BUB1B: variants seen among roughly 807,000 people sequenced by gnomAD.
The protein encoded by BUB1B is BUB1 mitotic checkpoint serine/threonine kinase B, also known as mitotic checkpoint serine/threonine-protein kinase BUB1 beta.
A neutral mutation model predicts 137.7 loss-of-function variants in BUB1B; 86 were observed. The ratio of observed to expected loss-of-function variants is 0.62; its 90% CI spans 0.52 to 0.75. The LOEUF (loss-of-function observed/expected upper bound fraction) is 0.75. Ranked by LOEUF, BUB1B falls within the 30% of genes least tolerant of loss-of-function variation. The pLI is 0.00. For missense variants in BUB1B, 1,130 were observed against 1,236.9 expected (o/e 0.91, Z 1.30); for synonymous variants, 420 against 417.9 (o/e 1.00, Z -0.06).
intron 8 of BUB1B, among the ~76,000 whole-genome samples, chr15:40,191,006 G>T (rs2037430237): frequency 6.6e-6 from 1 of 151,636 alleles, no homozygotes; most frequent in Non-Finnish European, 1.5e-5. Context: ...TTGTACCTCA[G>T]CCTCCCAAGT....
chr15:40,219,806 A>T lies in BUB1B; in HGVS notation c.2958-758A>T, dbSNP rs560799586. Among the ~76,000 whole-genome samples, 20 of 147,724 alleles carry T rather than the reference A, an allele frequency of 1.4e-4. No homozygotes were observed. In the South Asian group the frequency reaches 3.8e-3, roughly 28 times the overall value. ...TCACCTATTGTTATATTCTTTGGTT[A>T]AAAAAAAAAATGAGTGTTGAAGATT... On this transcript the variant is annotated intron_variant, in intron 22 of 22. Coordinates refer to ENST00000287598, the MANE Select transcript of BUB1B (RefSeq NM_001211.6).
intron 9 of BUB1B, among the ~76,000 whole-genome samples, 164 bp from the exon 10 acceptor site, chr15:40,199,451 A>T (rs1033307175): frequency 2.0e-5 from 3 of 152,226 alleles, no homozygotes; most frequent in African/African-American, 7.2e-5. Flanking sequence ...TATTGAATGG[A>T]TAAAGAATAG....
chr15:40,185,422 C>CTTCA, intron 7 of BUB1B, 43 bp downstream of exon 7: 1 of 1,604,178 alleles, frequency 6.2e-7, no homozygotes, highest in African/African-American at 1.3e-5. Flanking sequence ...ACAACAAAGA[C>CTTCA]TTCACATTTA....
rs1401342186 is a variant in BUB1B at position 40,180,650 on chromosome 15, T to C, written c.582-3064T>C. Among the ~76,000 whole-genome samples the C allele has an allele frequency of 5.1e-3, 626 of 122,368 alleles. 2 individuals are homozygous for C. Among genetic ancestry groups the C allele is most frequent in the African/African-American group, 0.021 (590 of 28,642 alleles). The allele number at this position is 122,368 out of a possible 152,430, so 80.3% of individuals were successfully genotyped here. On this transcript the variant is annotated intron_variant, in intron 5 of 22. Coordinates refer to ENST00000287598, the MANE Select transcript of BUB1B (RefSeq NM_001211.6). ...GTTTCTTTTTTCTTTTTCTTTTTTT[T>C]TTTTTTTTTTTTTTTTTGAGACGGA...
chr15:40,216,562 TATATATA>T (rs1229996577), intron 20 of BUB1B, among the ~76,000 whole-genome samples: 2 of 79,164 alleles, frequency 2.5e-5, no homozygotes, highest in Non-Finnish European at 4.7e-5. Flanking sequence ...TATATATATA[TATATATA>T]TATTTTTTTT....
At chr15:40,217,336 C>T (rs572023563) in intron 20 of BUB1B, 160 bp from the exon 21 acceptor site, 108 of 710,690 alleles carry the variant, frequency 1.5e-4, no homozygotes, top group Non-Finnish European at 2.4e-4. Flanking sequence ...TGGACACTGC[C>T]ACTGCTCTGT....
At chr15:40,179,659 G>C (rs1257738059) in intron 5 of BUB1B, among the ~76,000 whole-genome samples, 2 of 151,916 alleles carry the variant, frequency 1.3e-5, no homozygotes, top group Non-Finnish European at 2.9e-5. Context: ...TTTGTTCCAT[G>C]CCTTTTGTTC....
chr15:40,199,454 A>C (rs1453859943), intron 9 of BUB1B, among the ~76,000 whole-genome samples, 161 bp from the exon 10 acceptor site: 1 of 152,230 alleles, frequency 6.6e-6, no homozygotes, highest in Non-Finnish European at 1.5e-5. Context: ...TGAATGGATA[A>C]AGAATAGAGG....
chr15:40,188,978 C>A (rs539050753), intron 8 of BUB1B, among the ~76,000 whole-genome samples: 1 of 152,030 alleles, frequency 6.6e-6, no homozygotes, highest in East Asian at 1.9e-4. Context: ...TTACCACAAT[C>A]AATTTTAGAG....
At chr15:40,181,230 T>G (rs2037288972) in intron 5 of BUB1B, among the ~76,000 whole-genome samples, 1 of 152,056 alleles carries the variant, frequency 6.6e-6, no homozygotes, top group Non-Finnish European at 1.5e-5. Flanking sequence ...TAGCTGGGAT[T>G]ACAGGCATGC....
chr15:40,193,375 A>C (rs1424738120), intron 8 of BUB1B, among the ~76,000 whole-genome samples: 5 of 134,788 alleles, frequency 3.7e-5, no homozygotes, highest in Non-Finnish European at 7.9e-5. Flanking sequence ...GCAGTATCTT[A>C]TTGTTTTAAT....
intron 8 of BUB1B, 107 bp downstream of exon 8, chr15:40,185,749 C>A: frequency 9.4e-7 from 1 of 1,061,374 alleles, no homozygotes. Flanking sequence ...TGAAAGTAAC[C>A]AGGCCAGGCG....
intron 14 of BUB1B, among the ~76,000 whole-genome samples, chr15:40,205,248 A>C (rs1451831901): frequency 6.6e-6 from 1 of 152,076 alleles, no homozygotes; most frequent in African/African-American, 2.4e-5. Context: ...CACCCGGCCT[A>C]TAATTTTTTT....
At chr15:40,209,524 G>C (rs762863097) in intron 16 of BUB1B, 111 bp from the exon 17 acceptor site, 7 of 1,278,922 alleles carry the variant, frequency 5.5e-6, no homozygotes, top group Middle Eastern at 2.0e-4. Flanking sequence ...TAAATTAACA[G>C]TGCTGACTGT....
chr15:40,198,253 T>TTA (rs57347691), intron 9 of BUB1B, among the ~76,000 whole-genome samples: 1 of 151,594 alleles, frequency 6.6e-6, no homozygotes, highest in African/African-American at 2.4e-5. Flanking sequence ...TTTTTTTTTT[T>TTA]AAATAGAGAG....
chr15:40,213,533 C>T (rs1209736303), intron 20 of BUB1B, 59 bp downstream of exon 20: 10 of 1,592,638 alleles, frequency 6.3e-6, no homozygotes, highest in Non-Finnish European at 8.6e-6. Flanking sequence ...GGATAGTTGC[C>T]ACTTTTTTTT....
intron 2 of BUB1B, among the ~76,000 whole-genome samples, chr15:40,169,307 A>T (rs1208807611): frequency 6.6e-6 from 1 of 152,030 alleles, no homozygotes; most frequent in Admixed American, 6.6e-5. Context: ...TCTTATTTAT[A>T]TATTTGTTCA....
At chr15:40,163,786 CTT>C (rs754874315) in intron 1 of BUB1B, among the ~76,000 whole-genome samples, 2 of 152,164 alleles carry the variant, frequency 1.3e-5, no homozygotes, top group Non-Finnish European at 2.9e-5. Context: ...AGGAACTTAA[CTT>C]TTGTTTATGT....
At chr15:40,191,316 A>G (rs2037434406) in intron 8 of BUB1B, among the ~76,000 whole-genome samples, 1 of 152,196 alleles carries the variant, frequency 6.6e-6, no homozygotes, top group Non-Finnish European at 1.5e-5. Flanking sequence ...AAACTACTCT[A>G]TTTGGTTTTT....
Sources: allele counts gnomAD v4.1 joint callset (sites outside exome capture counted in the v4.1 genomes callset), GRCh38; gene constraint gnomAD v4.1.1; transcripts MANE v1.5; gene names NCBI Gene and HGNC (gene_info 2026-07-23, HGNC 2026-07-21).